The following ANO4 variants were observed in gnomAD, a reference collection of about 807,000 sequenced individuals.
ANO4 encodes anoctamin-4.
Under a neutral mutation model 141.9 loss-of-function variants are expected in ANO4, and 69 were observed. The ratio of observed to expected loss-of-function variants is 0.49; its 90% CI spans 0.40 to 0.59. The LOEUF (loss-of-function observed/expected upper bound fraction) is 0.59. Among genes scored for constraint, ANO4 ranks in the 20% least tolerant of loss-of-function variants. The pLI is 0.00. For synonymous variants in ANO4, 350 were observed against 394.3 expected (o/e 0.89, Z 1.33); for missense variants, 894 against 1,162.2 (o/e 0.77, Z 3.36).
At chr12:100,923,720 C>T (rs917688554) in intron 3 of ANO4, among the ~76,000 whole-genome samples, 2 of 152,110 alleles carry the variant, frequency 1.3e-5, no homozygotes, top group African/African-American at 4.8e-5. Flanking sequence ...ACACTGTCTT[C>T]CACAATTGTT....
At chr12:100,944,519 C>T (rs1441405592) in intron 5 of ANO4, among the ~76,000 whole-genome samples, 1 of 151,716 alleles carries the variant, frequency 6.6e-6, no homozygotes, top group Non-Finnish European at 1.5e-5. Context: ...AAAAGTTCTT[C>T]TCTGGGCATC....
intron 3 of ANO4, among the ~76,000 whole-genome samples, chr12:100,935,709 C>T (rs551886533): frequency 2.0e-4 from 31 of 152,296 alleles, no homozygotes; most frequent in African/African-American, 6.5e-4. Flanking sequence ...TCCAGTACTT[C>T]AGCCCCGGTT....
intron 2 of ANO4, among the ~76,000 whole-genome samples, chr12:100,903,989 G>A (rs2040721134): frequency 6.6e-6 from 1 of 152,168 alleles, no homozygotes; most frequent in Non-Finnish European, 1.5e-5. Context: ...TGCTCCTGCT[G>A]TTCTTTCTTC....
chr12:100,905,998 A>G (rs1401409130), intron 2 of ANO4, among the ~76,000 whole-genome samples: 2 of 152,156 alleles, frequency 1.3e-5, no homozygotes, highest in Non-Finnish European at 2.9e-5. Context: ...CACAGGGAGA[A>G]AGAGAGAGAG....
intron 6 of ANO4, among the ~76,000 whole-genome samples, chr12:100,973,401 G>A (rs534215825): frequency 1.3e-5 from 2 of 152,098 alleles, no homozygotes; most frequent in African/African-American, 2.4e-5. Flanking sequence ...ATAATTTTCT[G>A]TACTTCTGAA....
chr12:101,084,737 A>G (rs1045950211), intron 16 of ANO4, among the ~76,000 whole-genome samples: 2 of 152,162 alleles, frequency 1.3e-5, no homozygotes, highest in African/African-American at 2.4e-5. Context: ...TTTGCCTTCT[A>G]TGTACATATT....
chr12:100,932,365 T>G (rs1473039518), intron 3 of ANO4, among the ~76,000 whole-genome samples: 1 of 152,048 alleles, frequency 6.6e-6, no homozygotes, highest in Non-Finnish European at 1.5e-5. Flanking sequence ...CTTGCTGGTT[T>G]TTTTTTTTCA....
intron 7 of ANO4, chr12:100,987,206 T>A (rs2044745119): frequency 4.7e-6 from 1 of 214,108 alleles, no homozygotes. Context: ...TTAAGATCTC[T>A]GCTGCTTGCT....
intron 3 of ANO4, among the ~76,000 whole-genome samples, chr12:100,770,268 A>G (rs1482508475): frequency 1.3e-5 from 2 of 152,170 alleles, no homozygotes; most frequent in Admixed American, 6.5e-5. Context: ...CTTACCCCAG[A>G]TGTACTAATG....
intron 10 of ANO4, chr12:101,038,462 G>A (rs2047284898): frequency 6.6e-6 from 1 of 152,204 alleles, no homozygotes; most frequent in African/African-American, 2.4e-5. Flanking sequence ...AAGCCCCACA[G>A]AGTGACTCAT....
chr12:100,891,533 T>C (rs1236509789), intron 1 of ANO4, among the ~76,000 whole-genome samples: 1 of 152,242 alleles, frequency 6.6e-6, no homozygotes, highest in African/African-American at 2.4e-5. Flanking sequence ...TGTGGAGTGG[T>C]ATCTCGTTGT....
chr12:100,903,691 G>A (rs921155359), intron 2 of ANO4, among the ~76,000 whole-genome samples: 1 of 152,182 alleles, frequency 6.6e-6, no homozygotes, highest in Non-Finnish European at 1.5e-5. Context: ...ATCTGCAAGG[G>A]CAGGCTGGAA....
intron 5 of ANO4, among the ~76,000 whole-genome samples, chr12:100,952,595 C>T (rs888157645): frequency 6.6e-6 from 1 of 152,146 alleles, no homozygotes; most frequent in African/African-American, 2.4e-5. Context: ...ATAAGTCCCA[C>T]CTCATCACCA....
chr12:100,984,753 C>T (rs1292639044), intron 7 of ANO4, among the ~76,000 whole-genome samples: 2 of 152,274 alleles, frequency 1.3e-5, no homozygotes, highest in East Asian at 3.9e-4. Context: ...ATCCTCTTGC[C>T]TCCTTCTTGC....
At chr12:100,962,960 A>T (rs952021464) in intron 5 of ANO4, among the ~76,000 whole-genome samples, 1 of 152,110 alleles carries the variant, frequency 6.6e-6, no homozygotes, top group African/African-American at 2.4e-5. Flanking sequence ...AATCAATAAG[A>T]CTTGGTGATT....
intron 1 of ANO4, among the ~76,000 whole-genome samples, chr12:100,822,847 C>A (rs1057209905): frequency 6.6e-6 from 1 of 151,914 alleles, no homozygotes; most frequent in Non-Finnish European, 1.5e-5. Context: ...CTTTAGGATT[C>A]TCATGTTTCT....
intron 3 of ANO4, among the ~76,000 whole-genome samples, chr12:100,755,514 T>C (rs1233757351): frequency 1.3e-5 from 2 of 152,210 alleles, no homozygotes; most frequent in Admixed American, 6.5e-5. Context: ...TGATGCATAA[T>C]AGTTGATCAA....
intron 5 of ANO4, among the ~76,000 whole-genome samples, chr12:100,945,968 T>C (rs914300451): frequency 6.6e-6 from 1 of 152,176 alleles, no homozygotes; most frequent in African/African-American, 2.4e-5. Flanking sequence ...GTACAACATA[T>C]ACAAATATCA....
At chr12:101,104,611 GTGTGTATGTATGTGTGTA>G (rs1216207247) in intron 22 of ANO4, among the ~76,000 whole-genome samples, 1,446 of 77,416 alleles carry the variant, frequency 0.019, 7 homozygotes, top group Non-Finnish European at 0.023. Flanking sequence ...GTGTGTGTGT[GTGTGTATGTATGTGTGTA>G]TATATATATA....
Sources: allele counts gnomAD v4.1 joint callset (sites outside exome capture counted in the v4.1 genomes callset), GRCh38; gene constraint gnomAD v4.1.1; transcripts MANE v1.5; gene names NCBI Gene and HGNC (gene_info 2026-07-23, HGNC 2026-07-21).